Variants in EFCAB6 observed in about 807,000 individuals in gnomAD.
EFCAB6 encodes the protein EF-hand calcium-binding domain-containing protein 6.
A neutral mutation model predicts 169.8 loss-of-function variants in EFCAB6; 156 were observed. The ratio of observed to expected loss-of-function variants is 0.92; its 90% CI spans 0.81 to 1.05. The LOEUF (loss-of-function observed/expected upper bound fraction) is 1.05. Among genes scored for constraint, EFCAB6 ranks in the 50% least tolerant of loss-of-function variants. EFCAB6 has a pLI of 0.00. For synonymous variants in EFCAB6, 698 were observed against 676.4 expected, an observed-to-expected ratio of 1.03 and a Z score of -0.50; for missense variants, 1,800 against 1,829.1, an observed-to-expected ratio of 0.98 and a Z score of 0.29.
intron 2 of EFCAB6, among the ~76,000 whole-genome samples, chr22:43,786,612 C>G (rs992404669): frequency 6.6e-6 from 1 of 152,062 alleles, no homozygotes; most frequent in Admixed American, 6.5e-5. Context: ...GTCCCAGCTA[C>G]TCGGGTGGCT....
chr22:43,542,706 C>T (rs927583415), intron 27 of EFCAB6, among the ~76,000 whole-genome samples: 9 of 152,082 alleles, frequency 5.9e-5, no homozygotes, highest in Admixed American at 1.3e-4. Flanking sequence ...GAAATAGCCC[C>T]CAGCCCGCAT....
intron 23 of EFCAB6, among the ~76,000 whole-genome samples, chr22:43,594,275 C>CAAAAAAAAAAAAA (rs750560174): frequency 1.2e-5 from 1 of 81,488 alleles, no homozygotes; most frequent in South Asian, 4.5e-4. Context: ...AACTCTGTTT[C>CAAAAAAAAAAAAA]AAAAAAAAAA....
At chr22:43,648,223 C>A (rs778285233) in intron 17 of EFCAB6, among the ~76,000 whole-genome samples, 1 of 152,032 alleles carries the variant, frequency 6.6e-6, no homozygotes, top group Non-Finnish European at 1.5e-5. Context: ...GAAGCTGAGG[C>A]TGAGGGGTGT....
At chr22:43,754,627 T>C (rs1462337266) in intron 6 of EFCAB6, among the ~76,000 whole-genome samples, 1 of 152,186 alleles carries the variant, frequency 6.6e-6, no homozygotes, top group East Asian at 1.9e-4. Context: ...TGGACAGCAA[T>C]GGAGTTCCAT....
At chr22:43,675,052 C>A (rs1001979016) in intron 13 of EFCAB6, among the ~76,000 whole-genome samples, 1 of 151,780 alleles carries the variant, frequency 6.6e-6, no homozygotes, top group South Asian at 2.1e-4. Context: ...GTACGGGGTA[C>A]AGCCAACACC....
At chr22:43,711,975 C>T (rs577772463) in intron 9 of EFCAB6, among the ~76,000 whole-genome samples, 20 of 152,252 alleles carry the variant, frequency 1.3e-4, no homozygotes, top group South Asian at 2.1e-4. Context: ...GCCCACGCTA[C>T]GCTTCTCCTG....
rs780641912 is a variant in EFCAB6, at chr22:43,540,203, G to A, written c.3803C>T (p.Ser1268Leu). The A allele has an allele frequency of 5.6e-6, 9 of 1,614,228 alleles. No homozygotes were observed. The South Asian group carries it at 6.6e-5, about 12-fold the overall frequency. ...TGAGAGGGCAGATCTGGTGCCTTCCGAGACGTCAGGGACACTGCTCCCTCT... is the reference window on the plus strand; with the variant it reads ...TGAGAGGGCAGATCTGGTGCCTTCCAAGACGTCAGGGACACTGCTCCCTCT... The part of the protein sequence containing the change: ...AQRGSSVPDV[S>L]EGTRSALSLP... The change falls in exon 28 of 32, where the codon TCG becomes TTG. Residue 1268 changes from serine to leucine, a missense_variant. By Grantham distance (145) the Ser-to-Leu change is moderately radical. Transcript: ENST00000262726.
chr22:43,675,089 T>G (rs531280726), intron 13 of EFCAB6, among the ~76,000 whole-genome samples: 82 of 151,566 alleles, frequency 5.4e-4, no homozygotes, highest in African/African-American at 1.9e-3. Context: ...CAACGCACTG[T>G]CTAGCAAAAT....
Position 43,590,207 on chromosome 22 carries a change from G to C in EFCAB6, c.2899C>G (p.Gln967Glu). ...TTGGTGAATGCTTTGCTGATATCTT[G>C]ATGGCGGTCCATAAGCTTATCCCTG... Reference protein sequence around the residue: ...AARDKLMDRHQDISKAFTKTD... With the variant: ...AARDKLMDRHEDISKAFTKTD... The change falls in exon 24 of 32, where the codon CAA (glutamine) becomes GAA (glutamate). Residue 967 changes from glutamine to glutamate, a missense_variant. Gln to Glu is a conservative substitution (Grantham distance 29). Transcript: ENST00000262726. The C allele has an allele frequency of 6.2e-7, 1 of 1,613,908 alleles. No individual in the cohort carries two copies. The highest frequency in any genetic ancestry group is 8.5e-7 in the Non-Finnish European group (1 of 1,179,936).
At chr22:43,589,021 A>G (rs1164973038) in intron 24 of EFCAB6, among the ~76,000 whole-genome samples, 2 of 151,988 alleles carry the variant, frequency 1.3e-5, no homozygotes, top group East Asian at 3.9e-4. Context: ...GTGGCATGGG[A>G]TGGGTGAAAA....
At chr22:43,570,991 G>A (rs904755601) in intron 26 of EFCAB6, among the ~76,000 whole-genome samples, 2 of 152,208 alleles carry the variant, frequency 1.3e-5, no homozygotes, top group African/African-American at 2.4e-5. Flanking sequence ...TTTGAGTGGT[G>A]CTTAACAAAG....
intron 26 of EFCAB6, among the ~76,000 whole-genome samples, chr22:43,566,817 G>A (rs968816329): frequency 3.3e-5 from 5 of 151,390 alleles, no homozygotes; most frequent in Non-Finnish European, 5.9e-5. Context: ...GTTTTGAGAC[G>A]CCCACCCAGG....
At chr22:43,581,651 T>C (rs865998545) in intron 24 of EFCAB6, among the ~76,000 whole-genome samples, 18 of 152,348 alleles carry the variant, frequency 1.2e-4, no homozygotes, top group African/African-American at 3.8e-4. Flanking sequence ...CTCAGCAGCA[T>C]TGGGCTCAAG....
At chr22:43,579,181 T>C (rs2050493644) in intron 25 of EFCAB6, among the ~76,000 whole-genome samples, 1 of 150,628 alleles carries the variant, frequency 6.6e-6, no homozygotes, top group Non-Finnish European at 1.5e-5. Context: ...CATCATTCCA[T>C]ACACATAGGC....
At chr22:43,687,679 A>G in intron 10 of EFCAB6, 98 bp from the exon 11 acceptor site, 1 of 595,224 alleles carries the variant, frequency 1.7e-6, no homozygotes. Context: ...AATGGCAGCA[A>G]TGCATTTATA....
intron 5 of EFCAB6, among the ~76,000 whole-genome samples, chr22:43,763,229 G>A (rs2061223339): frequency 6.6e-6 from 1 of 151,864 alleles, no homozygotes; most frequent in Admixed American, 6.6e-5. Context: ...AGTAGAGATG[G>A]GGTTTTGCTA....
intron 6 of EFCAB6, among the ~76,000 whole-genome samples, chr22:43,752,139 A>C (rs1192580183): frequency 9.4e-6 from 1 of 106,620 alleles, no homozygotes; most frequent in Non-Finnish European, 1.9e-5. Flanking sequence ...TTTTTTTGAG[A>C]TAGAGTCTCC....
intron 3 of EFCAB6, among the ~76,000 whole-genome samples, chr22:43,780,486 C>CAAAAAAAAAAA (rs34634496): frequency 2.0e-5 from 1 of 49,022 alleles, no homozygotes; most frequent in Non-Finnish European, 3.6e-5. Flanking sequence ...GACTCTGTCT[C>CAAAAAAAAAAA]AAAAAAAAAA....
intron 6 of EFCAB6, among the ~76,000 whole-genome samples, chr22:43,742,760 G>C (rs564832099): frequency 2.6e-5 from 4 of 152,354 alleles, no homozygotes; most frequent in Admixed American, 2.0e-4. Context: ...GCGTGAGCAG[G>C]TGCTGCCCTC....
Sources: gnomAD v4.1 joint callset for allele counts (sites outside exome capture counted in the v4.1 genomes callset) on GRCh38, gnomAD v4.1.1 for gene constraint, MANE v1.5 for transcripts, NCBI Gene and HGNC (gene_info 2026-07-23, HGNC 2026-07-21) for gene names.